Variants in WAC observed in about 807,000 individuals in gnomAD.
WAC encodes the protein WW domain-containing adapter protein with coiled-coil.
A neutral mutation model predicts 79.6 loss-of-function variants in WAC; 11 were observed. The ratio of observed to expected loss-of-function variants is 0.14; its 90% CI spans 0.09 to 0.23. The LOEUF is 0.23. Among genes scored for constraint, WAC ranks in the 10% least tolerant of loss-of-function variants. The pLI, the probability that WAC is intolerant of heterozygous loss-of-function variation, is 1.00. For missense variants in WAC, 728 were observed against 773.5 expected (o/e 0.94, Z 0.70); for synonymous variants, 304 against 276.9 (o/e 1.10, Z -0.97).
intron 6 of WAC, chr10:28,591,587 C>G (rs766665727): frequency 6.6e-6 from 1 of 152,190 alleles, no homozygotes; most frequent in East Asian, 1.9e-4. Flanking sequence ...CTCCCAGTGC[C>G]GTGGCTCATG....
At chr10:28,566,470 G>A (rs1278985108) in intron 3 of WAC, among the ~76,000 whole-genome samples, 1 of 152,146 alleles carries the variant, frequency 6.6e-6, no homozygotes, top group African/African-American at 2.4e-5. Flanking sequence ...AGTTTAGCTG[G>A]ATTTGGTGTA....
At chr10:28,597,973 G>GCT (rs1191446727) in intron 7 of WAC, among the ~76,000 whole-genome samples, 2 of 152,094 alleles carry the variant, frequency 1.3e-5, no homozygotes, top group Non-Finnish European at 2.9e-5. Context: ...TCACTGTATT[G>GCT]CTCAGACTGG....
chr10:28,617,036 T>C (rs1303573589), intron 12 of WAC, among the ~76,000 whole-genome samples: 1 of 152,102 alleles, frequency 6.6e-6, no homozygotes, highest in African/African-American at 2.4e-5. Context: ...TGAGCCGAGA[T>C]TGCACCACTG....
At chr10:28,552,170 T>C (rs539603146) in intron 3 of WAC, among the ~76,000 whole-genome samples, 4 of 152,378 alleles carry the variant, frequency 2.6e-5, no homozygotes, top group African/African-American at 9.6e-5. Context: ...CATTATTTGT[T>C]ACTTTTCAGT....
intron 3 of WAC, among the ~76,000 whole-genome samples, chr10:28,562,602 T>C (rs1250518226): frequency 6.6e-6 from 1 of 152,188 alleles, no homozygotes; most frequent in Non-Finnish European, 1.5e-5. Context: ...TTGAATATAT[T>C]TTCAGAACAT....
At chr10:28,614,725 T>C in intron 11 of WAC, 40 bp downstream of exon 11, 1 of 1,447,254 alleles carries the variant, frequency 6.9e-7, no homozygotes, top group Non-Finnish European at 9.7e-7. Flanking sequence ...TTGTTTTATT[T>C]AATGATGGTA....
chr10:28,544,224 T>G (rs902401123), intron 3 of WAC, among the ~76,000 whole-genome samples: 2 of 152,216 alleles, frequency 1.3e-5, no homozygotes, highest in South Asian at 2.1e-4. Flanking sequence ...TTGTGTTCCC[T>G]TTATTCGCTT....
intron 3 of WAC, among the ~76,000 whole-genome samples, chr10:28,571,244 T>C (rs1009212197): frequency 6.6e-6 from 1 of 152,096 alleles, no homozygotes; most frequent in African/African-American, 2.4e-5. Flanking sequence ...AATATATACT[T>C]TTCATGTGCT....
chr10:28,552,755 A>G (rs191732512), intron 3 of WAC, among the ~76,000 whole-genome samples: 71 of 152,190 alleles, frequency 4.7e-4, no homozygotes, highest in Non-Finnish European at 8.2e-4. Context: ...AAATGAGAAA[A>G]AAAGAGTATT....
chr10:28,568,402 A>C (rs933965882), intron 3 of WAC, among the ~76,000 whole-genome samples: 1 of 152,062 alleles, frequency 6.6e-6, no homozygotes, highest in Non-Finnish European at 1.5e-5. Context: ...TTGTTTTGAG[A>C]TGGAGTCTTG....
At chr10:28,568,296 A>C (rs1174269096) in intron 3 of WAC, among the ~76,000 whole-genome samples, 1 of 152,232 alleles carries the variant, frequency 6.6e-6, no homozygotes, top group African/African-American at 2.4e-5. Context: ...CAGTTGCTGA[A>C]TTAATGGCTT....
intron 6 of WAC, 111 bp from the exon 7 acceptor site, chr10:28,595,622 G>A (rs1840322049): frequency 1.9e-6 from 2 of 1,060,836 alleles, no homozygotes; most frequent in African/African-American, 1.6e-5. Flanking sequence ...GAATATGTAA[G>A]TACAAGTATG....
At position 28,611,833 on chromosome 10, in the gene WAC, T is replaced by C; in HGVS notation, c.1348T>C (p.Tyr450His). 1 of 1,614,158 alleles carries C rather than the reference T, an allele frequency of 6.2e-7. No homozygotes were observed. Among genetic ancestry groups the C allele is most frequent in the Non-Finnish European group, 8.5e-7 (1 of 1,180,012 alleles). Residue 450 changes from tyrosine to histidine, a missense_variant, in exon 10 of 14, where the codon TAT (tyrosine) becomes CAT (histidine). Physicochemically the swap from Tyr to His is moderately conservative, Grantham distance 83 (BLOSUM62 2). Transcript: ENST00000354911. ...ATCTGATGCGTCATCCCCAAGATCA[T>C]ATGTTTCTCCAAGAATAAGCACACC... The part of the protein sequence containing the change: ...LTSDASSPRS[Y>H]VSPRISTPQT...
intron 3 of WAC, among the ~76,000 whole-genome samples, chr10:28,552,119 G>T (rs1373789868): frequency 2.0e-5 from 3 of 152,264 alleles, no homozygotes; most frequent in South Asian, 4.1e-4. Flanking sequence ...CCCAGCCCTT[G>T]TATGTGTATT....
intron 10 of WAC, 46 bp from the exon 11 acceptor site, chr10:28,614,521 T>C (rs1187203863): frequency 2.1e-6 from 3 of 1,449,766 alleles, no homozygotes; most frequent in South Asian, 2.3e-5. Context: ...GGGGGAGAGA[T>C]GTGGATTAGA....
intron 8 of WAC, among the ~76,000 whole-genome samples, chr10:28,609,926 CTTT>C (rs35905966): frequency 2.6e-5 from 3 of 115,672 alleles, no homozygotes; most frequent in Admixed American, 9.7e-5. Context: ...TTCCTAAATA[CTTT>C]TTTTTTTTTT....
rs143772149 is a variant in WAC at position 28,541,415 on chromosome 10, G to GTTTTTTTTTTTTTTTTTT, written c.274+5662_274+5663insTTTTTTTTTTTTTTTTTT. Among the ~76,000 whole-genome samples the GTTTTTTTTTTTTTTTTTT allele has an allele frequency of 1.3e-4, 5 of 37,904 alleles. 2 individuals carry two copies. The highest frequency in any genetic ancestry group is 8.1e-4 in the Admixed American group (2 of 2,468). The allele number at this position is 37,904 out of a possible 152,430, so 24.9% of individuals were successfully genotyped here. On this transcript the variant is annotated intron_variant, in intron 3 of 13. Transcript: ENST00000354911. ...TTTTTGTGGGGTTGTGTGTGTGTGT[G>GTTTTTTTTTTTTTTTTTT]TTTTGTTTTTTTTTTTTTTTTTTTT...
intron 3 of WAC, among the ~76,000 whole-genome samples, chr10:28,549,321 T>C (rs561223042): frequency 6.6e-6 from 1 of 152,336 alleles, no homozygotes; most frequent in African/African-American, 2.4e-5. Context: ...TTCTCAGTTT[T>C]CATACCCTAC....
intron 4 of WAC, 122 bp from the exon 5 acceptor site, chr10:28,589,614 A>G (rs1165124107): frequency 1.1e-5 from 6 of 545,534 alleles, no homozygotes; most frequent in Non-Finnish European, 1.9e-5. Context: ...AGATAATTGC[A>G]TTCTAGTTCA....
Sources: allele counts gnomAD v4.1 joint callset (sites outside exome capture counted in the v4.1 genomes callset), GRCh38; gene constraint gnomAD v4.1.1; transcripts MANE v1.5; gene names NCBI Gene and HGNC (gene_info 2026-07-23, HGNC 2026-07-21).